The following IGSF22 variants were observed in gnomAD, a reference collection of about 807,000 sequenced individuals.
IGSF22 encodes immunoglobulin superfamily, member 22.
A neutral mutation model predicts 127.0 loss-of-function variants in IGSF22; 119 were observed. The observed-to-expected ratio is 0.94, with a 90% CI of 0.81 to 1.09. The LOEUF is 1.09. Among genes scored for constraint, IGSF22 ranks in the 50% least tolerant of loss-of-function variants. The probability of loss-of-function intolerance (pLI) is 0.00; values close to 1 mark genes in which losing one functional copy is unlikely to be tolerated. For missense variants in IGSF22, 1,518 were observed against 1,716.6 expected, an observed-to-expected ratio of 0.88 and a Z score of 2.04; for synonymous variants, 568 against 664.7, an observed-to-expected ratio of 0.85 and a Z score of 2.24.
chr11:18,704,633 G>A (rs368378451), intron 22 of IGSF22, 95 bp from the exon 23 acceptor site: 1 of 756,458 alleles, frequency 1.3e-6, no homozygotes, highest in East Asian at 2.7e-5. Flanking sequence ...ACCAGGAGCT[G>A]GACCCTGGGA....
rs1438744164 is a variant in IGSF22 at position 18,712,392 on chromosome 11, C to T, written c.2096-8G>A. On this transcript the variant is annotated splice_region_variant and splice_polypyrimidine_tract_variant and intron_variant, in intron 14 of 22. Transcript: ENST00000513874. ...GTGGAGGCTTTGGACGGTCTGGGGA[C>T]AGAGAACAGCTTCAGAATGGGGCTT... 6 of 1,543,522 alleles carry T rather than the reference C, an allele frequency of 3.9e-6. No homozygotes were observed. The African/African-American group carries it at 4.1e-5, about 11-fold the overall frequency.
At chr11:18,708,534 C>T (rs77077698) in intron 18 of IGSF22, among the ~76,000 whole-genome samples, 2,933 of 152,326 alleles carry the variant, frequency 0.019, 43 homozygotes, top group Middle Eastern at 0.044. Context: ...ATAACCCTAA[C>T]ACCTCCTTTT....
rs1247181273 is a variant in IGSF22, at chr11:18,724,347, A to C, written c.-33-78T>G. 1.7e-5 allele frequency: 12 copies of C among 725,886 alleles called. No individual in the cohort carries two copies. In the East Asian group the frequency reaches 2.8e-4, roughly 17 times the overall value. 45.0% of individuals were successfully genotyped at this position (725,886 alleles called of 1,614,324 possible). A position where few individuals can be genotyped will look rare whatever the true frequency, so the allele number is the denominator to read the frequency against. ...TCAGAGATGTTATGTGTGTGTTCAG[A>C]CATAAGAGGAGATGGAAGCACACAG... On this transcript the variant is annotated intron_variant, in intron 1 of 22. Coordinates refer to ENST00000513874, the MANE Select transcript of IGSF22 (RefSeq NM_173588.4).
chr11:18,723,875 C>T (rs1848610861), intron 2 of IGSF22, among the ~76,000 whole-genome samples: 1 of 152,250 alleles, frequency 6.6e-6, no homozygotes, highest in African/African-American at 2.4e-5. Context: ...AAGAGTTTAT[C>T]AATCATTCAC....
In IGSF22 at chr11:18,709,858, G is replaced by C. The variant is rs1001475924; in HGVS notation, c.2702-175C>G. On this transcript the variant is annotated intron_variant, in intron 17 of 22. Transcript: ENST00000513874. This position sits in a 1 kb window ranked among gnomAD's most constrained non-coding sequence, Gnocchi z 4.8. ...CACTCAACCTCCAAATTCAAATTCA[G>C]TTATCTTACTGTTTTAACACTTTCA... Among the ~76,000 whole-genome samples, 2 of 152,128 alleles carry C rather than the reference G, an allele frequency of 1.3e-5. No individual in the cohort carries two copies. The highest frequency in any genetic ancestry group is 4.8e-5 in the African/African-American group (2 of 41,406).
At chr11:18,705,183 T>C (rs1848199816) in intron 22 of IGSF22, among the ~76,000 whole-genome samples, 1 of 152,046 alleles carries the variant, frequency 6.6e-6, no homozygotes, top group African/African-American at 2.4e-5. Context: ...GTTTGGGATT[T>C]TACCATGAGA....
At chr11:18,706,606 TC>T (rs774638807) in intron 21 of IGSF22, 37 of 346,832 alleles carry the variant, frequency 1.1e-4, no homozygotes, top group Non-Finnish European at 1.6e-4. Context: ...CCTAGAGCCC[TC>T]CCCTGTTCTC....
At chr11:18,710,963 A>G in intron 15 of IGSF22, 135 bp from the exon 16 acceptor site, 1 of 742,004 alleles carries the variant, frequency 1.3e-6, no homozygotes, top group Non-Finnish European at 2.2e-6. Context: ...TTTTTTAGAG[A>G]CAAGGTCTCA....
Position 18,707,202 on chromosome 11 carries a change from G to A in IGSF22, c.3292C>T (p.Pro1098Ser). Reference protein sequence around the residue: ...IHVRVADFPRPPTNLRLFEEV... With the variant: ...IHVRVADFPRSPTNLRLFEEV... Reference sequence around the variant, plus strand: ...TCAAACAACCGTAGGTTTGTGGGGGGCCGAGGGAAATCTGGAAGAGTTGGA... The same window carrying A: ...TCAAACAACCGTAGGTTTGTGGGGGACCGAGGGAAATCTGGAAGAGTTGGA... Residue 1098 changes from proline to serine, a missense_variant, in exon 21 of 23, where the codon CCC becomes TCC. Physicochemically the swap from Pro to Ser is moderately conservative, Grantham distance 74. Around this residue, in one of 3 missense-constraint regions of IGSF22, gnomAD observed 1,456 missense variants for 1,644.9 expected, o/e 0.89. Coordinates refer to ENST00000513874, the MANE Select transcript of IGSF22 (RefSeq NM_173588.4). 1 of 1,530,556 alleles carries A rather than the reference G, an allele frequency of 6.5e-7. No homozygotes were observed. The highest frequency in any genetic ancestry group is 8.8e-7 in the Non-Finnish European group (1 of 1,133,938). 94.8% of individuals were successfully genotyped at this position (1,530,556 alleles called of 1,614,324 possible).
chr11:18,716,981 C>T lies in IGSF22; in HGVS notation c.993G>A (p.Leu331=). The T allele has an allele frequency of 1.9e-6, 3 of 1,614,136 alleles. No homozygotes were observed. The highest frequency in any genetic ancestry group is 2.5e-6 in the Non-Finnish European group (3 of 1,179,984). ...TCACCTTCACAGGCTTCATCTCTCCCAGGAACTTCAGTGGCTCATCTGCAG... is the reference window on the plus strand; with the variant it reads ...TCACCTTCACAGGCTTCATCTCTCCTAGGAACTTCAGTGGCTCATCTGCAG... ...LTVLDEPLKF[L]GEMKPVKVTE... Residue 331 remains leucine (L), a synonymous_variant, in exon 10 of 23, where the codon CTG becomes CTA. Coordinates refer to ENST00000513874, the MANE Select transcript of IGSF22 (RefSeq NM_173588.4). The surrounding 1 kb of genome is among the most constrained non-coding windows in gnomAD (Gnocchi z 4.5).
rs752273238 is a variant in IGSF22, at chr11:18,715,490, C to T, written c.1473G>A (p.Val491=). The T allele has an allele frequency of 6.2e-7, 1 of 1,613,774 alleles. No individual in the cohort carries two copies. ...QLSDGGEYTV[V]AMQDGDPTEY... ...CAGTAGGGTCTCCATCCTGCATGGCCACCACAGTGTACTCGCCACCATCAC... is the reference window on the plus strand; with the variant it reads ...CAGTAGGGTCTCCATCCTGCATGGCTACCACAGTGTACTCGCCACCATCAC... Residue 491 remains valine, a synonymous_variant, in exon 11 of 23, where the codon GTG becomes GTA. Transcript: ENST00000513874.
intron 14 of IGSF22, 122 bp downstream of exon 14, chr11:18,713,730 A>C: frequency 1.2e-6 from 1 of 801,332 alleles, no homozygotes. Context: ...CCAGCCTTCT[A>C]GGCCCATTCC....
Position 18,724,921 on chromosome 11 carries a change from A to G in IGSF22, c.-33-652T>C, listed in dbSNP as rs529558619. Among the ~76,000 whole-genome samples the G allele has an allele frequency of 9.2e-5, 14 of 152,008 alleles. No individual in the cohort carries two copies. In the East Asian group the frequency reaches 1.4e-3, roughly 15 times the overall value. ...CTGCGTCTATCTTACAACCTTCCCC[A>G]TTGCAACAGGTAGCCAGTCTCTAGG... On this transcript the variant is annotated intron_variant, in intron 1 of 22. Transcript: ENST00000513874.
intron 11 of IGSF22, 47 bp from the exon 12 acceptor site, chr11:18,714,671 G>C (rs541829053): frequency 7.5e-6 from 12 of 1,606,244 alleles, no homozygotes; most frequent in East Asian, 4.5e-5. Context: ...GTTGGGGTGG[G>C]AGGGACTTCT....
intron 11 of IGSF22, 24 bp from the exon 12 acceptor site, chr11:18,714,648 A>T: frequency 6.2e-7 from 1 of 1,612,688 alleles, no homozygotes; most frequent in Non-Finnish European, 8.5e-7. Context: ...TGGGCAAGGG[A>T]CTGGCTCAGG....
chr11:18,706,874 G>A (rs941559818), intron 21 of IGSF22, 40 bp downstream of exon 21: 1 of 1,436,272 alleles, frequency 7.0e-7, no homozygotes, highest in Non-Finnish European at 9.2e-7. Context: ...CCACCATCAG[G>A]GCACCCAGAC....
In IGSF22 at chr11:18,709,487, G is replaced by A. The variant is rs780252953; in HGVS notation, c.2898C>T (p.Ile966=). The stretch of plus-strand genomic sequence containing the variant: ...TTCGGAAGAAGTATTTCTGCCTCTC[G>A]ATGAGTCCTCCCACTGTGTAGCAGG... ...SGTCYTVGGL[I]ERQKYFFRIR... Residue 966 remains isoleucine (I), a synonymous_variant, in exon 18 of 23, where the codon ATC becomes ATT. Transcript: ENST00000513874. The surrounding 1 kb of genome is among the most constrained non-coding windows in gnomAD (Gnocchi z 4.8). 3.7e-6 allele frequency: 6 copies of A among 1,614,142 alleles called. No homozygotes were observed. The Admixed American group carries it at 5.0e-5, about 13-fold the overall frequency.
In IGSF22 at chr11:18,705,800, C is replaced by G; in HGVS notation, c.3910+17G>C. The G allele has an allele frequency of 1.3e-6, 2 of 1,524,200 alleles. No homozygotes were observed. Among genetic ancestry groups the G allele is most frequent in the South Asian group, 1.2e-5 (1 of 82,476 alleles). The allele number at this position is 1,524,200 out of a possible 1,614,324, so 94.4% of individuals were successfully genotyped here. ...GCCTCTCCCCCTCCTCGAGGCCGGA[C>G]CCCGCGGCGCCCTCACCATAGACGG... is the stretch of plus-strand genomic sequence containing the variant. On this transcript the variant is annotated intron_variant, in intron 22 of 22. Coordinates refer to ENST00000513874, the MANE Select transcript of IGSF22 (RefSeq NM_173588.4).
rs375683963 is a variant in IGSF22, at chr11:18,707,986, G to C, written c.3098C>G (p.Pro1033Arg). The change falls in exon 20 of 23, where the codon CCA becomes CGA. Residue 1033 changes from proline to arginine, a missense_variant. Coordinates refer to ENST00000513874, the MANE Select transcript of IGSF22 (RefSeq NM_173588.4). ...CIHAAFSGSP[P>R]PDVIWQKDGV... ...ATCTTTCTGCCAGATCACGTCAGGT[G>C]GTGGTGAGCCCTGAGTAGTGACAGG... The C allele has an allele frequency of 2.5e-6, 4 of 1,614,088 alleles. No homozygotes were observed. Among genetic ancestry groups the C allele is most frequent in the Non-Finnish European group, 3.4e-6 (4 of 1,179,944 alleles).
Sources: gnomAD v4.1 joint callset for allele counts (sites outside exome capture counted in the v4.1 genomes callset) on GRCh38, gnomAD v4.1.1 for gene constraint, gnomAD v4.1.1 regional missense constraint, Gnocchi (gnomAD v3.1) non-coding constraint, MANE v1.5 for transcripts, NCBI Gene and HGNC (gene_info 2026-07-23, HGNC 2026-07-21) for gene names.